Variants in TLN2 observed in about 807,000 individuals in gnomAD.
TLN2 encodes the protein talin 2, also known as talin-2.
In TLN2, 118 loss-of-function variants were observed where a neutral mutation model predicts 294.7. The observed-to-expected ratio is 0.40, with a 90% confidence interval of 0.34 to 0.47. TLN2 has a LOEUF of 0.47. Ranked by LOEUF, TLN2 falls within the 20% of genes least tolerant of loss-of-function variation. TLN2 has a pLI of 0.84. For synonymous variants in TLN2, 1,431 were observed against 1,304.5 expected, an observed-to-expected ratio of 1.10 and a Z score of -2.09; for missense variants, 3,083 against 3,282.2, an observed-to-expected ratio of 0.94 and a Z score of 1.48.
intron 1 of TLN2, among the ~76,000 whole-genome samples, chr15:62,419,713 T>G (rs141208536): frequency 6.6e-6 from 1 of 152,056 alleles, no homozygotes; most frequent in Non-Finnish European, 1.5e-5. Context: ...ATTGGCTCAC[T>G]GCAGCCTCGA....
intron 9 of TLN2, among the ~76,000 whole-genome samples, chr15:62,668,220 A>G (rs1054710100): frequency 1.3e-5 from 2 of 152,256 alleles, no homozygotes; most frequent in African/African-American, 4.8e-5. Context: ...AAGGAAATTT[A>G]CAAAGAGTAA....
At chr15:62,596,067 A>C (rs1054973970) in intron 2 of TLN2, among the ~76,000 whole-genome samples, 1 of 151,978 alleles carries the variant, frequency 6.6e-6, no homozygotes, top group African/African-American at 2.4e-5. Context: ...CGAGGTCAGG[A>C]GATCGAGACC....
At chr15:62,481,807 T>A (rs964043127) in intron 1 of TLN2, among the ~76,000 whole-genome samples, 2 of 149,544 alleles carry the variant, frequency 1.3e-5, no homozygotes, top group African/African-American at 4.9e-5. Flanking sequence ...TCTTTTTTTT[T>A]TTTTTTTTAA....
intron 1 of TLN2, among the ~76,000 whole-genome samples, chr15:62,478,930 C>T (rs1266913148): frequency 2.0e-5 from 3 of 152,210 alleles, no homozygotes; most frequent in Admixed American, 6.5e-5. Flanking sequence ...CTACTTAGCC[C>T]GGCTTCCATG....
intron 36 of TLN2, chr15:62,754,873 T>C (rs1240251952): frequency 6.6e-6 from 1 of 152,190 alleles, no homozygotes; most frequent in African/African-American, 2.4e-5. Context: ...CAGCCCTCCA[T>C]GGATGAGGAG....
chr15:62,704,055 A>T (rs1436731789), intron 19 of TLN2, among the ~76,000 whole-genome samples: 4 of 152,198 alleles, frequency 2.6e-5, no homozygotes, highest in Non-Finnish European at 5.9e-5. Context: ...TCTCTGAAAG[A>T]TGCCCTTTTC....
At chr15:62,400,603 A>G (rs1052525608) in intron 1 of TLN2, among the ~76,000 whole-genome samples, 2 of 152,148 alleles carry the variant, frequency 1.3e-5, no homozygotes, top group African/African-American at 4.8e-5. Flanking sequence ...ATACATGCAT[A>G]TTCAAGATTT....
chr15:62,826,142 A>C (rs983495324), intron 54 of TLN2, among the ~76,000 whole-genome samples: 1 of 151,734 alleles, frequency 6.6e-6, no homozygotes, highest in Admixed American at 6.6e-5. Flanking sequence ...TAGGGAGTTT[A>C]TCTGATACAG....
chr15:62,451,823 A>G (rs957597027), intron 1 of TLN2, among the ~76,000 whole-genome samples: 2 of 152,078 alleles, frequency 1.3e-5, no homozygotes, highest in Admixed American at 1.3e-4. Context: ...TTCTCTTTTG[A>G]TGGTACATAT....
intron 1 of TLN2, among the ~76,000 whole-genome samples, chr15:62,416,091 G>T (rs1397012115): frequency 1.3e-5 from 2 of 152,152 alleles, no homozygotes; most frequent in East Asian, 3.9e-4. Flanking sequence ...TTGAACTCAG[G>T]AGTCTGAGAC....
chr15:62,655,681 C>T lies in TLN2; in HGVS notation c.518-263C>T. On this transcript the variant is annotated intron_variant, in intron 7 of 58. Transcript: ENST00000636159. ...TCAGTGGAGAGAACGTGTCACTCCC[C>T]GAAGCCTCTGATGCTTTTCCTTCCT... Among the ~76,000 whole-genome samples the T allele has an allele frequency of 2.3e-3, 2 of 888 alleles. 1 individual carries two copies. Among genetic ancestry groups the T allele is most frequent in the African/African-American group, 2.3e-3 (2 of 870 alleles). 0.6% of individuals were successfully genotyped at this position (888 alleles called of 152,430 possible). A position where few individuals can be genotyped will look rare whatever the true frequency, so the allele number is the denominator to read the frequency against.
intron 1 of TLN2, among the ~76,000 whole-genome samples, chr15:62,422,608 T>C (rs572553926): frequency 1.3e-5 from 2 of 152,288 alleles, no homozygotes; most frequent in African/African-American, 4.8e-5. Context: ...GTACCAGGGA[T>C]ACCTTCTCTT....
chr15:62,723,674 C>G lies in TLN2; in HGVS notation c.3126+1187C>G, dbSNP rs1006127986. 2.7e-4 allele frequency among the ~76,000 whole-genome samples: 41 copies of G among 150,674 alleles called. 2 individuals are homozygous for G. The highest frequency in any genetic ancestry group is 2.7e-3 in the Admixed American group (40 of 14,976). Reference sequence around the variant, plus strand: ...TCTCCCACCTCAGCCACTTGAGTAGCTGGACCACTGTCATGTGCCACCACA... The same window carrying G: ...TCTCCCACCTCAGCCACTTGAGTAGGTGGACCACTGTCATGTGCCACCACA... On this transcript the variant is annotated intron_variant, in intron 26 of 58. Transcript: ENST00000636159.
chr15:62,395,761 A>G (rs142332867), intron 1 of TLN2, among the ~76,000 whole-genome samples: 207 of 152,358 alleles, frequency 1.4e-3, no homozygotes, highest in African/African-American at 4.8e-3. Context: ...GCATAACATA[A>G]TTAAAAATAA....
intron 3 of TLN2, among the ~76,000 whole-genome samples, chr15:62,620,955 C>T (rs1043254854): frequency 6.0e-5 from 9 of 151,026 alleles, no homozygotes; most frequent in African/African-American, 1.9e-4. Flanking sequence ...TCTCCTGCCT[C>T]AGCCTCCAGA....
chr15:62,447,468 G>A (rs2035882665), intron 1 of TLN2, among the ~76,000 whole-genome samples: 1 of 151,608 alleles, frequency 6.6e-6, no homozygotes, highest in Non-Finnish European at 1.5e-5. Flanking sequence ...TCTCCTGGAA[G>A]TGCTCCTTGG....
intron 1 of TLN2, among the ~76,000 whole-genome samples, chr15:62,450,393 T>G (rs377384657): frequency 4.3e-4 from 65 of 152,252 alleles, no homozygotes; most frequent in African/African-American, 1.2e-3. Flanking sequence ...GAGTTTAACT[T>G]GTATGTAAAT....
chr15:62,805,486 C>G (rs2066216054), intron 50 of TLN2, 114 bp from the exon 51 acceptor site: 1 of 1,150,302 alleles, frequency 8.7e-7, no homozygotes, highest in Non-Finnish European at 1.2e-6. Flanking sequence ...GTGACAGTTT[C>G]TTCCAGTTAC....
At chr15:62,585,947 G>T (rs2045565551) in intron 1 of TLN2, among the ~76,000 whole-genome samples, 1 of 152,176 alleles carries the variant, frequency 6.6e-6, no homozygotes, top group Admixed American at 6.5e-5. Context: ...GAGCATTGCT[G>T]ATTGCATCAG....
Sources: gnomAD v4.1 joint callset for allele counts (sites outside exome capture counted in the v4.1 genomes callset) on GRCh38, gnomAD v4.1.1 for gene constraint, MANE v1.5 for transcripts, NCBI Gene and HGNC (gene_info 2026-07-23, HGNC 2026-07-21) for gene names.